CNBD1: variants seen among roughly 807,000 people sequenced by gnomAD.
The protein encoded by CNBD1 is cyclic nucleotide-binding domain-containing protein 1.
Under a neutral mutation model 54.4 loss-of-function variants are expected in CNBD1, and 71 were observed. The ratio of observed to expected loss-of-function variants is 1.30; its 90% CI spans 1.08 to 1.59. The LOEUF is 1.59. Among genes scored for constraint, CNBD1 ranks in the 40% most tolerant of loss-of-function variants. CNBD1 has a pLI of 0.00. For missense variants in CNBD1, 659 were observed against 518.0 expected, an observed-to-expected ratio of 1.27 and a Z score of -2.64; for synonymous variants, 182 against 170.7, an observed-to-expected ratio of 1.07 and a Z score of -0.51.
chr8:87,090,338 CTAAGT>C (rs1811180619), intron 4 of CNBD1, among the ~76,000 whole-genome samples: 2 of 152,226 alleles, frequency 1.3e-5, no homozygotes, highest in South Asian at 4.1e-4. Flanking sequence ...AAATAACCTT[CTAAGT>C]TAAGAGTATA....
intron 4 of CNBD1, among the ~76,000 whole-genome samples, chr8:86,975,698 A>G (rs1313707264): frequency 6.6e-6 from 1 of 152,058 alleles, no homozygotes; most frequent in East Asian, 1.9e-4. Context: ...GTGGGAGTGC[A>G]GTTATCTCTT....
intron 5 of CNBD1, among the ~76,000 whole-genome samples, chr8:87,220,254 G>C (rs1814302102): frequency 6.6e-6 from 1 of 151,784 alleles, no homozygotes. Flanking sequence ...TCTGCAATTG[G>C]CTTCATTGAG....
chr8:87,318,715 G>T (rs1809453980), intron 8 of CNBD1, among the ~76,000 whole-genome samples: 1 of 151,828 alleles, frequency 6.6e-6, no homozygotes, highest in Admixed American at 6.6e-5. Flanking sequence ...TGGGGAGGGG[G>T]GGCATTGGAT....
intron 10 of CNBD1, among the ~76,000 whole-genome samples, chr8:87,366,880 C>T (rs1169173912): frequency 2.0e-5 from 3 of 151,996 alleles, no homozygotes; most frequent in Non-Finnish European, 4.4e-5. Context: ...ACTGTTTTTT[C>T]ACTATGTGTT....
intron 4 of CNBD1, among the ~76,000 whole-genome samples, chr8:87,095,247 C>CT (rs995375441): frequency 2.6e-5 from 4 of 152,118 alleles, no homozygotes; most frequent in Non-Finnish European, 5.9e-5. Context: ...AATTTTTATT[C>CT]TTTTTTTAGG....
chr8:86,877,973 C>T (rs1180128452), intron 1 of CNBD1, among the ~76,000 whole-genome samples: 1 of 151,700 alleles, frequency 6.6e-6, no homozygotes, highest in Non-Finnish European at 1.5e-5. Flanking sequence ...TTATTTCTGT[C>T]ATTATTTTAT....
chr8:87,242,305 A>C (rs1034191418), intron 6 of CNBD1, among the ~76,000 whole-genome samples: 1 of 152,192 alleles, frequency 6.6e-6, no homozygotes, highest in East Asian at 1.9e-4. Flanking sequence ...TTTTCCTGAT[A>C]CAAGAGAAAA....
At chr8:86,934,377 T>G (rs987308072) in intron 3 of CNBD1, among the ~76,000 whole-genome samples, 1 of 152,216 alleles carries the variant, frequency 6.6e-6, no homozygotes, top group Non-Finnish European at 1.5e-5. Context: ...ATACCAATTT[T>G]ATTGTCAGTT....
At chr8:87,380,794 T>A (rs937042693) in intron 10 of CNBD1, among the ~76,000 whole-genome samples, 3 of 151,994 alleles carry the variant, frequency 2.0e-5, no homozygotes, top group African/African-American at 7.2e-5. Flanking sequence ...TGGGGTTGTT[T>A]TACTAATTTA....
intron 8 of CNBD1, among the ~76,000 whole-genome samples, chr8:87,304,644 A>G (rs1400862484): frequency 6.6e-6 from 1 of 152,160 alleles, no homozygotes; most frequent in Non-Finnish European, 1.5e-5. Flanking sequence ...AATAAAAATA[A>G]ATAAATAAAT....
chr8:87,414,669 GTTAA>G (rs541741622), intron 2 of CNBD1, among the ~76,000 whole-genome samples: 47 of 151,798 alleles, frequency 3.1e-4, no homozygotes, highest in African/African-American at 1.1e-3. Flanking sequence ...TACCACAACT[GTTAA>G]TTAATTAAAC....
At chr8:86,958,437 C>A (rs879045578) in intron 4 of CNBD1, among the ~76,000 whole-genome samples, 1 of 152,144 alleles carries the variant, frequency 6.6e-6, no homozygotes, top group Admixed American at 6.6e-5. Context: ...GTGTTAAAGT[C>A]TCCCATTATT....
intron 4 of CNBD1, among the ~76,000 whole-genome samples, chr8:87,148,345 A>C (rs1812532202): frequency 6.6e-6 from 1 of 152,180 alleles, no homozygotes; most frequent in Non-Finnish European, 1.5e-5. Context: ...TGGAACTACT[A>C]TATGTTGAAC....
intron 4 of CNBD1, among the ~76,000 whole-genome samples, chr8:87,074,871 G>A (rs1444337203): frequency 6.6e-6 from 1 of 152,162 alleles, no homozygotes; most frequent in Non-Finnish European, 1.5e-5. Context: ...CTTCTAATCA[G>A]CCATCTTGCA....
intron 4 of CNBD1, among the ~76,000 whole-genome samples, chr8:87,070,402 C>T (rs1289984395): frequency 1.3e-5 from 2 of 151,990 alleles, no homozygotes; most frequent in Non-Finnish European, 2.9e-5. Context: ...ATAAAATACA[C>T]GGATTGTTAA....
chr8:87,165,569 C>T (rs574065489), intron 4 of CNBD1, among the ~76,000 whole-genome samples: 25 of 152,032 alleles, frequency 1.6e-4, no homozygotes, highest in African/African-American at 3.9e-4. Context: ...AGCGCAGCCA[C>T]CCTTGCTTTC....
intron 4 of CNBD1, among the ~76,000 whole-genome samples, chr8:87,067,441 A>T (rs1329441044): frequency 6.6e-6 from 1 of 151,940 alleles, no homozygotes; most frequent in African/African-American, 2.4e-5. Context: ...AGCATTTATT[A>T]TACGCAAGTA....
intron 8 of CNBD1, among the ~76,000 whole-genome samples, chr8:87,294,612 T>A (rs928935685): frequency 6.6e-6 from 1 of 152,184 alleles, no homozygotes; most frequent in African/African-American, 2.4e-5. Context: ...ATAAAGATAG[T>A]TTCCAGAATG....
intron 8 of CNBD1, among the ~76,000 whole-genome samples, chr8:87,344,149 A>T (rs968449839): frequency 6.6e-6 from 1 of 152,112 alleles, no homozygotes; most frequent in Non-Finnish European, 1.5e-5. Context: ...CAGGAAAAAT[A>T]ATCAAGTTAT....
Sources: allele counts gnomAD v4.1 joint callset (sites outside exome capture counted in the v4.1 genomes callset), GRCh38; gene constraint gnomAD v4.1.1; transcripts MANE v1.5; gene names NCBI Gene and HGNC (gene_info 2026-07-23, HGNC 2026-07-21).